Variants in MARCHF8 observed in about 807,000 individuals in gnomAD.
MARCHF8 encodes the protein E3 ubiquitin-protein ligase MARCHF8.
A neutral mutation model predicts 51.6 loss-of-function variants in MARCHF8; 40 were observed. That is an observed-to-expected ratio of 0.77 (90% CI 0.60 to 1.01). MARCHF8 has a LOEUF of 1.01. Among genes scored for constraint, MARCHF8 ranks in the 50% least tolerant of loss-of-function variants. MARCHF8 has a pLI of 0.00. For synonymous variants in MARCHF8, 263 were observed against 280.3 expected (o/e 0.94, Z 0.62); for missense variants, 685 against 708.6 (o/e 0.97, Z 0.38).
intron 2 of MARCHF8, among the ~76,000 whole-genome samples, chr10:45,526,180 G>A (rs557320009): frequency 7.9e-5 from 12 of 152,048 alleles, no homozygotes; most frequent in Non-Finnish European, 1.3e-4. Context: ...CCAAAACGGC[G>A]AGTAGATATT....
At chr10:45,493,488 C>T (rs1264055181) in intron 2 of MARCHF8, among the ~76,000 whole-genome samples, 2 of 152,178 alleles carry the variant, frequency 1.3e-5, no homozygotes, top group African/African-American at 4.8e-5. Flanking sequence ...CTCTGGTGGG[C>T]TCTTTTCATC....
rs2291428 is a variant in MARCHF8 at position 45,463,408 on chromosome 10, G to C, written c.831C>G (p.Phe277Leu). 0.24 allele frequency: 367,690 copies of C among 1,550,480 alleles called. 45,220 individuals are homozygous for C. The highest frequency in any genetic ancestry group is 0.31 in the Admixed American group (15,764 of 51,004). Residue 277 changes from phenylalanine (F) to leucine (L), a missense_variant, in exon 5 of 8, where the codon TTC becomes TTG. By Grantham distance (22) the Phe-to-Leu change is conservative (BLOSUM62 0). Coordinates refer to ENST00000453424, the MANE Select transcript of MARCHF8 (RefSeq NM_001282866.2). The part of the protein sequence containing the change: ...HGLSASSLHR[F>L]HELESCAARL... ...GAGCAGCGCAGCTCTCCAGCTCATGGAACCTGTGCAGGCTGCTGGCGCTCA... is the reference window on the plus strand; with the variant it reads ...GAGCAGCGCAGCTCTCCAGCTCATGCAACCTGTGCAGGCTGCTGGCGCTCA...
intron 1 of MARCHF8, among the ~76,000 whole-genome samples, chr10:45,593,879 A>G (rs2044707872): frequency 6.6e-6 from 1 of 152,240 alleles, no homozygotes; most frequent in Non-Finnish European, 1.5e-5. Flanking sequence ...CATCAAATTA[A>G]AAAATACACA....
intron 1 of MARCHF8, among the ~76,000 whole-genome samples, chr10:45,565,562 T>C (rs1272683234): frequency 2.0e-5 from 3 of 150,512 alleles, no homozygotes; most frequent in Non-Finnish European, 4.4e-5. Context: ...AGGATAAGGA[T>C]GCAACTGCAA....
At chr10:45,465,269 GTA>G (rs1842931792) in intron 3 of MARCHF8, among the ~76,000 whole-genome samples, 1 of 152,164 alleles carries the variant, frequency 6.6e-6, no homozygotes, top group Non-Finnish European at 1.5e-5. Context: ...GTAAGCCTGA[GTA>G]AGAATCTGCT....
chr10:45,469,592 G>A (rs1280955020), intron 3 of MARCHF8, among the ~76,000 whole-genome samples: 4 of 152,234 alleles, frequency 2.6e-5, no homozygotes, highest in African/African-American at 4.8e-5. Flanking sequence ...CTGGCCAGGC[G>A]CGGTGGCTCA....
intron 3 of MARCHF8, among the ~76,000 whole-genome samples, chr10:45,464,874 G>C (rs1461846758): frequency 2.6e-5 from 4 of 152,104 alleles, no homozygotes; most frequent in Admixed American, 2.6e-4. Flanking sequence ...TCACCATGGG[G>C]GACACCAATC....
chr10:45,584,199 T>A (rs893041268), intron 1 of MARCHF8, among the ~76,000 whole-genome samples: 1 of 130,964 alleles, frequency 7.6e-6, no homozygotes, highest in African/African-American at 2.9e-5. Flanking sequence ...TCACAAGAAC[T>A]AAGAAACAAT....
intron 1 of MARCHF8, among the ~76,000 whole-genome samples, chr10:45,533,815 A>G (rs900527772): frequency 1.3e-5 from 2 of 152,190 alleles, no homozygotes; most frequent in Non-Finnish European, 2.9e-5. Flanking sequence ...GGCAAGATAC[A>G]TATTTTAGGC....
At chr10:45,543,928 G>A (rs1007103379) in intron 1 of MARCHF8, among the ~76,000 whole-genome samples, 6 of 151,658 alleles carry the variant, frequency 4.0e-5, no homozygotes, top group Non-Finnish European at 8.8e-5. Flanking sequence ...ATGAGAGCCA[G>A]GCTCTCATAT....
intron 1 of MARCHF8, among the ~76,000 whole-genome samples, chr10:45,542,892 C>T (rs2044072441): frequency 1.3e-5 from 2 of 152,162 alleles, no homozygotes; most frequent in South Asian, 4.1e-4. Flanking sequence ...GTTACATTGT[C>T]TAATTAGAAA....
At chr10:45,476,965 A>G (rs969052842) in intron 3 of MARCHF8, among the ~76,000 whole-genome samples, 7 of 152,118 alleles carry the variant, frequency 4.6e-5, no homozygotes, top group African/African-American at 1.7e-4. Context: ...AAACTTCCCA[A>G]GTCTTGCAAA....
At chr10:45,544,935 CAACAGCA>C (rs967761473) in intron 1 of MARCHF8, among the ~76,000 whole-genome samples, 1 of 152,098 alleles carries the variant, frequency 6.6e-6, no homozygotes, top group Non-Finnish European at 1.5e-5. Context: ...TATAGTCCAG[CAACAGCA>C]GTGTTCCTTC....
chr10:45,586,871 C>T (rs1489150742), intron 1 of MARCHF8, among the ~76,000 whole-genome samples: 2 of 152,078 alleles, frequency 1.3e-5, no homozygotes, highest in Non-Finnish European at 2.9e-5. Context: ...CTGTCAGATA[C>T]ATAAATTGCC....
intron 1 of MARCHF8, among the ~76,000 whole-genome samples, chr10:45,555,796 A>G (rs1193852830): frequency 6.6e-6 from 1 of 152,050 alleles, no homozygotes; most frequent in African/African-American, 2.4e-5. Context: ...TTATAATGAT[A>G]CTTTTTAAAT....
At chr10:45,518,202 G>A (rs1219593388) in intron 2 of MARCHF8, among the ~76,000 whole-genome samples, 1 of 152,106 alleles carries the variant, frequency 6.6e-6, no homozygotes, top group African/African-American at 2.4e-5. Context: ...TATCAATGAA[G>A]GCAAGGTGAT....
intron 3 of MARCHF8, among the ~76,000 whole-genome samples, chr10:45,465,453 ACTCTTT>A (rs1842937451): frequency 6.6e-6 from 1 of 151,478 alleles, no homozygotes; most frequent in Admixed American, 6.6e-5. Context: ...CCTAGTCCCC[ACTCTTT>A]CTAAGTACCA....
chr10:45,557,254 G>A (rs975834160), intron 1 of MARCHF8, among the ~76,000 whole-genome samples: 3 of 149,298 alleles, frequency 2.0e-5, no homozygotes, highest in African/African-American at 7.4e-5. Context: ...TCAGCCTCCC[G>A]AGTAGCTGAG....
chr10:45,478,390 T>C (rs1419285194), intron 3 of MARCHF8, among the ~76,000 whole-genome samples: 1 of 152,008 alleles, frequency 6.6e-6, no homozygotes, highest in East Asian at 1.9e-4. Flanking sequence ...AGAGCAAAAG[T>C]AGTGCTAACA....
Sources: gnomAD v4.1 joint callset for allele counts (sites outside exome capture counted in the v4.1 genomes callset) on GRCh38, gnomAD v4.1.1 for gene constraint, MANE v1.5 for transcripts, NCBI Gene and HGNC (gene_info 2026-07-23, HGNC 2026-07-21) for gene names.